The following TCF21 variants were observed in gnomAD, a reference collection of about 807,000 sequenced individuals.
The protein encoded by TCF21 is capsulin.
TCF21 carries 3 observed loss-of-function variants against 13.5 expected under a neutral mutation model. The observed-to-expected ratio is 0.22, with a 90% CI of 0.10 to 0.57. TCF21 has a LOEUF of 0.57. Among genes scored for constraint, TCF21 ranks in the 20% least tolerant of loss-of-function variants. TCF21 has a pLI of 0.92. For synonymous variants in TCF21, 92 were observed against 101.7 expected, an observed-to-expected ratio of 0.90 and a Z score of 0.57; for missense variants, 181 against 238.4, an observed-to-expected ratio of 0.76 and a Z score of 1.59.
Position 133,891,733 on chromosome 6 carries a change from C to T in TCF21, c.471C>T (p.Ala157=), listed in dbSNP as rs1254333519. 4 of 1,613,856 alleles carry T rather than the reference C, an allele frequency of 2.5e-6. No individual in the cohort carries two copies. The highest frequency in any genetic ancestry group is 3.4e-6 in the Non-Finnish European group (4 of 1,179,962). ...PVNLTWPFMV[A]GKPESDLKEV... ...CGCAGACGTGGCCCTTTATGGTGGCCGGGAAACCCGAGAGTGACCTGAAAG... is the reference window on the plus strand; with the variant it reads ...CGCAGACGTGGCCCTTTATGGTGGCTGGGAAACCCGAGAGTGACCTGAAAG... The change falls in exon 2 of 2, where the codon GCC becomes GCT. Residue 157 remains alanine, a synonymous_variant. Transcript: ENST00000367882.
In TCF21 at chr6:133,889,296, C is replaced by T; in HGVS notation, c.-102C>T. The T allele has an allele frequency of 6.8e-7, 1 of 1,464,336 alleles. No individual in the cohort carries two copies. Among genetic ancestry groups the T allele is most frequent in the Non-Finnish European group, 9.5e-7 (1 of 1,057,478 alleles). 90.7% of individuals were successfully genotyped at this position (1,464,336 alleles called of 1,614,324 possible). On this transcript the variant is annotated 5_prime_UTR_variant, in exon 1 of 2. Coordinates refer to ENST00000367882, the MANE Select transcript of TCF21 (RefSeq NM_003206.4). This position sits in a 1 kb window ranked among gnomAD's most constrained non-coding sequence, Gnocchi z 5.1. ...AGGTGGCTGCGCCACACTCGGGAGG[C>T]CTCTTGGTTTCAGGGTCTCTCTGTC... is the stretch of plus-strand genomic sequence containing the variant.
In TCF21 at chr6:133,891,759, A is replaced by T. The variant is rs768700019; in HGVS notation, c.497A>T (p.Glu166Val). 1 of 1,613,930 alleles carries T rather than the reference A, an allele frequency of 6.2e-7. No individual in the cohort carries two copies. Among genetic ancestry groups the T allele is most frequent in the African/African-American group, 1.3e-5 (1 of 74,966 alleles). The part of the protein sequence containing the change: ...VAGKPESDLK[E>V]VVTASRLCGT... The stretch of plus-strand genomic sequence containing the variant: ...GGGAAACCCGAGAGTGACCTGAAAG[A>T]AGTGGTGACCGCGAGCCGCTTATGT... Residue 166 changes from glutamate (E) to valine (V), a missense_variant, in exon 2 of 2, where the codon GAA (glutamate) becomes GTA (valine). By Grantham distance (121) the Glu-to-Val change is moderately radical. This residue lies in a region of TCF21 where 55 missense variants were observed against 59.5 expected (regional missense o/e 0.92). Coordinates refer to ENST00000367882, the MANE Select transcript of TCF21 (RefSeq NM_003206.4).
chr6:133,890,606 C>G (rs1415993912), intron 1 of TCF21, among the ~76,000 whole-genome samples: 3 of 152,134 alleles, frequency 2.0e-5, no homozygotes, highest in African/African-American at 7.2e-5. Context: ...ATCATTGAGT[C>G]TACTTTTTTC....
Position 133,889,757 on chromosome 6 carries a change from G to A in TCF21, c.360G>A (p.Thr120=), listed in dbSNP as rs377208652. Residue 120 remains threonine, a synonymous_variant, in exon 1 of 2, where the codon ACG becomes ACA. Coordinates refer to ENST00000367882, the MANE Select transcript of TCF21 (RefSeq NM_003206.4). This position sits in a 1 kb window ranked among gnomAD's most constrained non-coding sequence, Gnocchi z 5.1. ...PPDTKLSKLD[T]LRLASSYIAH... ...ACACCAAGCTCTCCAAGCTGGACACGCTCAGGCTGGCGTCCAGCTACATCG... is the reference window on the plus strand; with the variant it reads ...ACACCAAGCTCTCCAAGCTGGACACACTCAGGCTGGCGTCCAGCTACATCG... 2 of 1,613,490 alleles carry A rather than the reference G, an allele frequency of 1.2e-6. No homozygotes were observed. Among genetic ancestry groups the A allele is most frequent in the South Asian group, 1.1e-5 (1 of 91,082 alleles).
At position 133,889,971 on chromosome 6, in the gene TCF21, C is replaced by G. The variant is rs902666987; in HGVS notation, c.450+124C>G. 3 of 1,090,434 alleles carry G rather than the reference C, an allele frequency of 2.8e-6. No homozygotes were observed. The African/African-American group carries it at 4.7e-5, about 17-fold the overall frequency. 67.5% of individuals were successfully genotyped at this position (1,090,434 alleles called of 1,614,324 possible). A position where few individuals can be genotyped will look rare whatever the true frequency, so the allele number is the denominator to read the frequency against. ...GCGGCGGTGACTTACACATCTCGACCACCGCGGGCCTAGAGCCTCCAGGGA... is the reference window on the plus strand; with the variant it reads ...GCGGCGGTGACTTACACATCTCGACGACCGCGGGCCTAGAGCCTCCAGGGA... On this transcript the variant is annotated intron_variant, in intron 1 of 1. Transcript: ENST00000367882. This position sits in a 1 kb window ranked among gnomAD's most constrained non-coding sequence, Gnocchi z 5.1.
At chr6:133,891,602 C>G in intron 1 of TCF21, 111 bp from the exon 2 acceptor site, 1 of 1,178,624 alleles carries the variant, frequency 8.5e-7, no homozygotes, top group East Asian at 2.5e-5. Context: ...ACCGGTCTCT[C>G]CAGAGCACCG....
At position 133,891,745 on chromosome 6, in the gene TCF21, G is replaced by C. The variant is rs1775221465; in HGVS notation, c.483G>C (p.Glu161Asp). ...TWPFMVAGKP[E>D]SDLKEVVTAS... is the part of the protein sequence containing the mutation. Reference sequence around the variant, plus strand: ...CCTTTATGGTGGCCGGGAAACCCGAGAGTGACCTGAAAGAAGTGGTGACCG... The same window carrying C: ...CCTTTATGGTGGCCGGGAAACCCGACAGTGACCTGAAAGAAGTGGTGACCG... The change falls in exon 2 of 2, where the codon GAG becomes GAC. Residue 161 changes from glutamate (E) to aspartate (D), a missense_variant. By Grantham distance (45) the Glu-to-Asp change is conservative (BLOSUM62 2). Transcript: ENST00000367882. 5.0e-6 allele frequency: 8 copies of C among 1,613,644 alleles called. No homozygotes were observed. Among genetic ancestry groups the C allele is most frequent in the Non-Finnish European group, 6.8e-6 (8 of 1,179,918 alleles).
rs1775160287 is a variant in TCF21 at position 133,889,178 on chromosome 6, T to A, written c.-220T>A. On this transcript the variant is annotated 5_prime_UTR_variant, in exon 1 of 2. Coordinates refer to ENST00000367882, the MANE Select transcript of TCF21 (RefSeq NM_003206.4). This position sits in a 1 kb window ranked among gnomAD's most constrained non-coding sequence, Gnocchi z 5.1. ...TGGGGAAACAGAGAGCCGGTTCCTC[T>A]GCTGCAGAAGTCCTCGGGGTTCCTT... 1 of 600,504 alleles carries A rather than the reference T, an allele frequency of 1.7e-6. No individual in the cohort carries two copies. The highest frequency in any genetic ancestry group is 2.9e-6 in the Non-Finnish European group (1 of 339,290). The allele number at this position is 600,504 out of a possible 1,614,324, so 37.2% of individuals were successfully genotyped here.
At chr6:133,891,213 G>A (rs1382833154) in intron 1 of TCF21, among the ~76,000 whole-genome samples, 1 of 152,218 alleles carries the variant, frequency 6.6e-6, no homozygotes, top group Non-Finnish European at 1.5e-5. Context: ...GTCGGACTAG[G>A]GAAATAGATG....
At chr6:133,893,178 C>T (rs1474811094), downstream of TCF21, 1 of 152,250 alleles carries the variant, frequency 6.6e-6, no homozygotes, top group African/African-American at 2.4e-5. Context: ...GCGAGAGCTT[C>T]TCCGCCCTTC....
chr6:133,889,901 G>A lies in TCF21; in HGVS notation c.450+54G>A. On this transcript the variant is annotated intron_variant, in intron 1 of 1. Transcript: ENST00000367882. This position sits in a 1 kb window ranked among gnomAD's most constrained non-coding sequence, Gnocchi z 5.1. ...TCCAGGCGCGCCCGCACTCCCGCCT[G>A]CGGTGGGCGCGAGTGCGCGCGGGGC... is the stretch of plus-strand genomic sequence containing the variant. 1 of 1,598,458 alleles carries A rather than the reference G, an allele frequency of 6.3e-7. No homozygotes were observed. Among genetic ancestry groups the A allele is most frequent in the African/African-American group, 1.3e-5 (1 of 74,698 alleles).
In TCF21 at chr6:133,889,376, T is replaced by A. The variant is rs200648700; in HGVS notation, c.-22T>A. 6 of 1,610,914 alleles carry A rather than the reference T, an allele frequency of 3.7e-6. No homozygotes were observed. The highest frequency in any genetic ancestry group is 5.1e-6 in the Non-Finnish European group (6 of 1,178,458). On this transcript the variant is annotated 5_prime_UTR_variant, in exon 1 of 2. Coordinates refer to ENST00000367882, the MANE Select transcript of TCF21 (RefSeq NM_003206.4). This position sits in a 1 kb window ranked among gnomAD's most constrained non-coding sequence, Gnocchi z 5.1. ...GTCTCTCTGTCTCTCTCTCTCTCTC[T>A]CCCTCGTCCACTCCCCCAAACATGT...
rs3068172 is a variant in TCF21, at chr6:133,889,359, G to GTCTCTCTC, written c.-28_-21dup. 1.4e-5 allele frequency: 22 copies of GTCTCTCTC among 1,518,646 alleles called. No individual in the cohort carries two copies. Among genetic ancestry groups the GTCTCTCTC allele is most frequent in the Non-Finnish European group, 1.8e-5 (20 of 1,110,962 alleles). 94.1% of individuals were successfully genotyped at this position (1,518,646 alleles called of 1,614,324 possible). A position where few individuals can be genotyped will look rare whatever the true frequency, so the allele number is the denominator to read the frequency against. On this transcript the variant is annotated 5_prime_UTR_variant, in exon 1 of 2. Transcript: ENST00000367882. The surrounding 1 kb of genome is among the most constrained non-coding windows in gnomAD (Gnocchi z 5.1). ...TCTTCCTCGCTTTCTCTGTCTCTCT[G>GTCTCTCTC]TCTCTCTCTCTCTCTCTCCCTCGTC...
downstream of TCF21, chr6:133,895,525 G>T (rs908532452): frequency 6.6e-6 from 1 of 152,162 alleles, no homozygotes; most frequent in African/African-American, 2.4e-5. Flanking sequence ...GAAAATAAAA[G>T]ATTTGTTCCA....
At chr6:133,891,595 G>A in intron 1 of TCF21, 118 bp from the exon 2 acceptor site, 5 of 1,074,184 alleles carry the variant, frequency 4.7e-6, no homozygotes, top group Non-Finnish European at 6.9e-6. Flanking sequence ...AGAGATAACC[G>A]GTCTCTCCAG....
Position 133,889,335 on chromosome 6 carries a change from C to A in TCF21, c.-63C>A. 6.3e-7 allele frequency: 1 copy of A among 1,597,388 alleles called. No individual in the cohort carries two copies. The highest frequency in any genetic ancestry group is 2.2e-5 in the East Asian group (1 of 44,816). On this transcript the variant is annotated 5_prime_UTR_variant, in exon 1 of 2. Transcript: ENST00000367882. The surrounding 1 kb of genome is among the most constrained non-coding windows in gnomAD (Gnocchi z 5.1). ...GGTCTCTCTGTCTCTCTCTCACCCT[C>A]TTCCTCGCTTTCTCTGTCTCTCTGT... is the stretch of plus-strand genomic sequence containing the variant.
chr6:133,889,721 G>T lies in TCF21; in HGVS notation c.324G>T (p.Trp108Cys). ...AFSRLKTTLPWVPPDTKLSKL... is the reference protein window; with the variant it reads ...AFSRLKTTLPCVPPDTKLSKL... ...CCAGACTCAAGACCACCCTGCCCTGGGTGCCCCCCGACACCAAGCTCTCCA... is the reference window on the plus strand; with the variant it reads ...CCAGACTCAAGACCACCCTGCCCTGTGTGCCCCCCGACACCAAGCTCTCCA... The change falls in exon 1 of 2, where the codon TGG (tryptophan) becomes TGT (cysteine). Residue 108 changes from tryptophan to cysteine, a missense_variant. Transcript: ENST00000367882. This position sits in a 1 kb window ranked among gnomAD's most constrained non-coding sequence, Gnocchi z 5.1. 1 of 1,613,688 alleles carries T rather than the reference G, an allele frequency of 6.2e-7. No individual in the cohort carries two copies. Among genetic ancestry groups the T allele is most frequent in the Non-Finnish European group, 8.5e-7 (1 of 1,179,978 alleles).
chr6:133,891,624 C>A (rs979178398), intron 1 of TCF21, 89 bp from the exon 2 acceptor site: 3 of 1,134,194 alleles, frequency 2.6e-6, no homozygotes, highest in South Asian at 1.3e-5. Context: ...CTGCCCCCAC[C>A]GCCCCCCTTC....
chr6:133,892,433 TAAAA>T (rs1232211825), downstream of TCF21: 5 of 152,204 alleles, frequency 3.3e-5, no homozygotes, highest in Non-Finnish European at 5.9e-5. Flanking sequence ...ACTGAAACCT[TAAAA>T]AAGAAATATA....
Sources: allele counts gnomAD v4.1 joint callset (sites outside exome capture counted in the v4.1 genomes callset), GRCh38; gene constraint gnomAD v4.1.1; regional missense constraint gnomAD v4.1.1; non-coding constraint Gnocchi (gnomAD v3.1); transcripts MANE v1.5; gene names NCBI Gene and HGNC (gene_info 2026-07-23, HGNC 2026-07-21).